PPP1R12B: variants seen among roughly 807,000 people sequenced by gnomAD.
PPP1R12B encodes myosin phosphatase target subunit 2.
In PPP1R12B, 76 loss-of-function variants were observed where a neutral mutation model predicts 126.1. The observed-to-expected ratio is 0.60, with a 90% CI of 0.50 to 0.73. The LOEUF (loss-of-function observed/expected upper bound fraction) is 0.73, where lower values mean the gene tolerates loss of function less well. PPP1R12B is among the 30% of genes least tolerant of loss of function. PPP1R12B has a pLI of 0.00. For missense variants in PPP1R12B, 1,052 were observed against 1,205.1 expected, an observed-to-expected ratio of 0.87 and a Z score of 1.88; for synonymous variants, 356 against 434.7, an observed-to-expected ratio of 0.82 and a Z score of 2.25.
chr1:202,497,638 A>T (rs1679723593), intron 18 of PPP1R12B, among the ~76,000 whole-genome samples: 1 of 152,146 alleles, frequency 6.6e-6, no homozygotes, highest in South Asian at 2.1e-4. Context: ...TTTTGTCTAG[A>T]TCCAAAACAG....
At position 202,567,852 on chromosome 1, in the gene PPP1R12B, C is replaced by T. The variant is rs375391370; in HGVS notation, c.2811+21C>T. On this transcript the variant is annotated intron_variant, in intron 22 of 23. Transcript: ENST00000608999. ...AACGGGTATGCGCATGTCTGTTTCCCCCTCCACCCCATTTCATCTCTTCTT... is the reference window on the plus strand; with the variant it reads ...AACGGGTATGCGCATGTCTGTTTCCTCCTCCACCCCATTTCATCTCTTCTT... The T allele has an allele frequency of 1.5e-4, 248 of 1,611,940 alleles. 3 individuals are homozygous for T. The South Asian group carries it at 2.0e-3, about 13-fold the overall frequency.
chr1:202,401,522 A>G (rs1184984865), intron 1 of PPP1R12B, among the ~76,000 whole-genome samples: 2 of 148,346 alleles, frequency 1.3e-5, no homozygotes, highest in African/African-American at 5.0e-5. Flanking sequence ...CTCTAAATCA[A>G]TGCACTATAC....
intron 13 of PPP1R12B, among the ~76,000 whole-genome samples, chr1:202,451,965 C>T (rs11803801): frequency 0.04 from 6,117 of 151,506 alleles, 332 homozygotes; most frequent in African/African-American, 0.12. Flanking sequence ...GGCTGCTGGG[C>T]GGAGGGGCTC....
In PPP1R12B at chr1:202,431,602, A is replaced by C; in HGVS notation, c.1124A>C (p.Glu375Ala). ...GGTGAAGATGAAGCTTCTGAGTCAG[A>C]AACTGAGAAGGAGGCAGGTAATGCA... ...EEGEDEASES[E>A]TEKEADKKPE... The change falls in exon 8 of 24, where the codon GAA (glutamate) becomes GCA (alanine). Residue 375 changes from glutamate (E) to alanine (A), a missense_variant. Glu to Ala is a moderately radical substitution (Grantham distance 107, BLOSUM62 -1). Coordinates refer to ENST00000608999, the MANE Select transcript of PPP1R12B (RefSeq NM_002481.4). The C allele has an allele frequency of 1.2e-6, 2 of 1,609,344 alleles. No homozygotes were observed. The highest frequency in any genetic ancestry group is 1.1e-5 in the South Asian group (1 of 90,234).
chr1:202,377,090 C>T (rs1661289381), intron 1 of PPP1R12B, among the ~76,000 whole-genome samples: 1 of 152,166 alleles, frequency 6.6e-6, no homozygotes, highest in Admixed American at 6.5e-5. Flanking sequence ...CCCCTGTTAA[C>T]ACCATTTGGT....
At chr1:202,378,648 T>C (rs901540576) in intron 1 of PPP1R12B, among the ~76,000 whole-genome samples, 1 of 151,966 alleles carries the variant, frequency 6.6e-6, no homozygotes, top group African/African-American at 2.4e-5. Flanking sequence ...CCCGGCTAAT[T>C]TTTGTATTTT....
intron 10 of PPP1R12B, chr1:202,438,768 A>G: frequency 1.4e-6 from 1 of 729,760 alleles, no homozygotes; most frequent in Non-Finnish European, 2.5e-6. Flanking sequence ...GCTGGTGTTC[A>G]CCTTGAACAA....
chr1:202,401,544 A>G (rs1665852718), intron 1 of PPP1R12B, among the ~76,000 whole-genome samples: 1 of 114,498 alleles, frequency 8.7e-6, no homozygotes, highest in Admixed American at 8.1e-5. Context: ...GCCTCACAGT[A>G]TATTTTGTTT....
intron 18 of PPP1R12B, among the ~76,000 whole-genome samples, chr1:202,557,154 ACTT>A (rs1300447263): frequency 2.0e-5 from 3 of 152,064 alleles, no homozygotes; most frequent in African/African-American, 7.2e-5. Context: ...TGCCCAGCTA[ACTT>A]CTTAAAAATT....
intron 1 of PPP1R12B, among the ~76,000 whole-genome samples, chr1:202,400,655 G>C (rs1235032662): frequency 6.6e-6 from 1 of 152,210 alleles, no homozygotes; most frequent in African/African-American, 2.4e-5. Flanking sequence ...GTTTATAATA[G>C]CTAACAGCAA....
chr1:202,380,472 A>ATTTCT (rs1662065586), intron 1 of PPP1R12B, among the ~76,000 whole-genome samples: 1 of 152,254 alleles, frequency 6.6e-6, no homozygotes, highest in African/African-American at 2.4e-5. Context: ...GTTTGAAACA[A>ATTTCT]TTTCTGTGAA....
At chr1:202,358,548 C>T (rs891667815) in intron 1 of PPP1R12B, among the ~76,000 whole-genome samples, 9 of 152,016 alleles carry the variant, frequency 5.9e-5, no homozygotes, top group Admixed American at 1.3e-4. Flanking sequence ...CGGGCGTGGT[C>T]GCACGCGCCT....
intron 13 of PPP1R12B, among the ~76,000 whole-genome samples, chr1:202,454,204 ATGT>A (rs1293386636): frequency 2.6e-5 from 4 of 152,224 alleles, no homozygotes; most frequent in African/African-American, 9.6e-5. Context: ...CCTTCTGGAA[ATGT>A]TGTAACCTAC....
intron 1 of PPP1R12B, among the ~76,000 whole-genome samples, chr1:202,352,627 G>A (rs1233410774): frequency 6.6e-6 from 1 of 152,100 alleles, no homozygotes; most frequent in Non-Finnish European, 1.5e-5. Context: ...GGTGGCTCAC[G>A]CTTGTAATCC....
intron 13 of PPP1R12B, among the ~76,000 whole-genome samples, chr1:202,459,617 A>G (rs1300269919): frequency 2.0e-5 from 3 of 152,176 alleles, no homozygotes; most frequent in Non-Finnish European, 4.4e-5. Context: ...TCCCTATTTT[A>G]CAAATGGGAA....
At chr1:202,445,271 A>G (rs922291079) in intron 12 of PPP1R12B, 11 of 1,215,436 alleles carry the variant, frequency 9.1e-6, no homozygotes, top group Non-Finnish European at 1.0e-5. Flanking sequence ...CATCAAAGTT[A>G]ATGGCTCTGA....
At position 202,488,553 on chromosome 1, in the gene PPP1R12B, G is replaced by C; in HGVS notation, c.1871G>C (p.Arg624Pro). ...EKRRSYLTPV[R>P]DEEAESLRKA... is the part of the protein sequence containing the mutation. ...TGCAGGTCCTATCTGACTCCTGTAC[G>C]GGATGAGGAAGCAGAGTCTTTACGG... Residue 624 changes from arginine to proline, a missense_variant, in exon 14 of 24, where the codon CGG becomes CCG. By Grantham distance (103) the Arg-to-Pro change is moderately radical. Transcript: ENST00000608999. The C allele has an allele frequency of 6.2e-7, 1 of 1,611,522 alleles. No homozygotes were observed. Among genetic ancestry groups the C allele is most frequent in the Non-Finnish European group, 8.5e-7 (1 of 1,178,476 alleles).
chr1:202,479,919 GA>G (rs1677142842), intron 13 of PPP1R12B, among the ~76,000 whole-genome samples: 1 of 152,092 alleles, frequency 6.6e-6, no homozygotes, highest in Non-Finnish European at 1.5e-5. Flanking sequence ...CTGCCAGGGG[GA>G]AAAAATATCC....
chr1:202,583,159 G>A lies in PPP1R12B; in HGVS notation c.*2599G>A, dbSNP rs558212910. On this transcript the variant is annotated 3_prime_UTR_variant, in exon 24 of 24. Coordinates refer to ENST00000608999, the MANE Select transcript of PPP1R12B (RefSeq NM_002481.4). Reference sequence around the variant, plus strand: ...AGGTGTTGACTAATTGATTATCCTGGAACATTTTGAATATTGGGGAAGGAA... The same window carrying A: ...AGGTGTTGACTAATTGATTATCCTGAAACATTTTGAATATTGGGGAAGGAA... 1.2e-4 allele frequency: 18 copies of A among 152,190 alleles called. No individual in the cohort carries two copies. The highest frequency in any genetic ancestry group is 4.3e-4 in the African/African-American group (18 of 41,518). 9.4% of individuals were successfully genotyped at this position (152,190 alleles called of 1,614,324 possible).
Sources: allele counts gnomAD v4.1 joint callset (sites outside exome capture counted in the v4.1 genomes callset), GRCh38; gene constraint gnomAD v4.1.1; transcripts MANE v1.5; gene names NCBI Gene and HGNC (gene_info 2026-07-23, HGNC 2026-07-21).